SHANK2: variants seen among roughly 807,000 people sequenced by gnomAD.
SHANK2 encodes the protein SH3 and multiple ankyrin repeat domains protein 2.
SHANK2 carries 43 observed loss-of-function variants against 133.7 expected under a neutral mutation model. That is an observed-to-expected ratio of 0.32 (90% CI 0.25 to 0.41). The LOEUF (loss-of-function observed/expected upper bound fraction) is 0.41, where lower values mean the gene tolerates loss of function less well. Among genes scored for constraint, SHANK2 ranks in the 10% least tolerant of loss-of-function variants. SHANK2 has a pLI of 1.00. For missense variants in SHANK2, 1,994 were observed against 2,235.8 expected (o/e 0.89, Z 2.18); for synonymous variants, 1,017 against 952.8 (o/e 1.07, Z -1.24).
intron 10 of SHANK2, chr11:70,942,857 C>G (rs1414579903): frequency 8.8e-6 from 4 of 456,660 alleles, no homozygotes; most frequent in Admixed American, 2.3e-5. Context: ...TAAGACCAGA[C>G]AGGCCCTTTG....
chr11:70,812,991 C>G (rs1555053498), intron 12 of SHANK2, among the ~76,000 whole-genome samples: 2 of 152,132 alleles, frequency 1.3e-5, no homozygotes, highest in African/African-American at 4.8e-5. Flanking sequence ...ACATACTGAC[C>G]TTTCTCCATT....
At chr11:70,600,418 CAAAA>C (rs56103044) in intron 17 of SHANK2, among the ~76,000 whole-genome samples, 2,403 of 95,512 alleles carry the variant, frequency 0.025, 27 homozygotes, top group African/African-American at 0.085. Context: ...GACTCTGTCT[CAAAA>C]AAAAAAAAAA....
chr11:70,664,454 T>C (rs1944641625), intron 15 of SHANK2, among the ~76,000 whole-genome samples: 1 of 152,190 alleles, frequency 6.6e-6, no homozygotes, highest in African/African-American at 2.4e-5. Context: ...GAGGAGCTGC[T>C]GAGGGTGACC....
At chr11:70,769,349 G>T (rs1369186509) in intron 14 of SHANK2, among the ~76,000 whole-genome samples, 1 of 152,156 alleles carries the variant, frequency 6.6e-6, no homozygotes, top group Non-Finnish European at 1.5e-5. Flanking sequence ...TAAATGATGC[G>T]GTCACCCTGG....
At chr11:70,618,550 T>C (rs1554996777) in intron 17 of SHANK2, among the ~76,000 whole-genome samples, 2 of 152,004 alleles carry the variant, frequency 1.3e-5, no homozygotes, top group Non-Finnish European at 1.5e-5. Context: ...CACCTGCAGG[T>C]GATGTGCATG....
At chr11:70,475,816 C>T (rs539537906) in intron 25 of SHANK2, among the ~76,000 whole-genome samples, 4 of 152,220 alleles carry the variant, frequency 2.6e-5, no homozygotes, top group Admixed American at 6.5e-5. Context: ...AACCTGCCCC[C>T]ACCCTCAATG....
chr11:71,251,864 G>A (rs999990366), intron 1 of SHANK2, among the ~76,000 whole-genome samples: 6 of 151,704 alleles, frequency 4.0e-5, no homozygotes, highest in African/African-American at 1.4e-4. Flanking sequence ...CTGCGTGCAG[G>A]GCCAGGGTGA....
intron 14 of SHANK2, among the ~76,000 whole-genome samples, chr11:70,779,492 A>G (rs1442677948): frequency 6.6e-6 from 1 of 152,132 alleles, no homozygotes; most frequent in Non-Finnish European, 1.5e-5. Flanking sequence ...AAGACATTCT[A>G]TTTTGGAAGA....
At chr11:70,689,471 G>A (rs1244334727) in intron 15 of SHANK2, among the ~76,000 whole-genome samples, 2 of 152,200 alleles carry the variant, frequency 1.3e-5, no homozygotes, top group East Asian at 1.9e-4. Context: ...CAAAGGAAGC[G>A]CACACTCACA....
chr11:70,857,203 G>A (rs1479547354), intron 11 of SHANK2, among the ~76,000 whole-genome samples: 3 of 152,342 alleles, frequency 2.0e-5, no homozygotes, highest in African/African-American at 2.4e-5. Context: ...CGGGCCACAG[G>A]ATGACTGACA....
chr11:70,869,609 T>C (rs1388941166), intron 11 of SHANK2, among the ~76,000 whole-genome samples: 1 of 152,156 alleles, frequency 6.6e-6, no homozygotes, highest in Non-Finnish European at 1.5e-5. Flanking sequence ...CTCCTGACCG[T>C]CCACAGCACT....
chr11:70,934,367 C>T (rs565186376), intron 10 of SHANK2, among the ~76,000 whole-genome samples: 10 of 152,276 alleles, frequency 6.6e-5, no homozygotes, highest in African/African-American at 2.4e-4. Context: ...TGCAGCCGGC[C>T]GGCCTCCCTC....
At chr11:70,883,631 G>A (rs1239995823) in intron 11 of SHANK2, among the ~76,000 whole-genome samples, 8 of 152,176 alleles carry the variant, frequency 5.3e-5, no homozygotes, top group African/African-American at 1.2e-4. Flanking sequence ...GGTGTGCTGC[G>A]GTGTGGAGCA....
chr11:70,953,188 C>T (rs1378916458), intron 10 of SHANK2, among the ~76,000 whole-genome samples: 1 of 152,056 alleles, frequency 6.6e-6, no homozygotes, highest in Non-Finnish European at 1.5e-5. Flanking sequence ...CTGGGCCTAG[C>T]AGGAGGTGTC....
chr11:70,794,896 G>A (rs549858260), intron 14 of SHANK2, among the ~76,000 whole-genome samples: 12 of 152,140 alleles, frequency 7.9e-5, no homozygotes, highest in Admixed American at 6.5e-4. Context: ...AGTTGGAGAC[G>A]TGGGTATATA....
Position 71,075,614 on chromosome 11 carries a change from T to C in SHANK2, c.913-339A>G, listed in dbSNP as rs924704342. On this transcript the variant is annotated intron_variant, in intron 8 of 25. Transcript: ENST00000601538. The stretch of plus-strand genomic sequence containing the variant: ...AGAGGTGCAGGATGTCTTTCTCCCA[T>C]CCTCAGTGCCCAGCTCCACAAGATG... 1.8e-4 allele frequency among the ~76,000 whole-genome samples: 28 copies of C among 152,144 alleles called. No homozygotes were observed. In the East Asian group the frequency reaches 5.2e-3, roughly 28 times the overall value.
chr11:70,503,478 T>TA (rs1344910393), intron 17 of SHANK2, among the ~76,000 whole-genome samples: 1 of 152,148 alleles, frequency 6.6e-6, no homozygotes, highest in Non-Finnish European at 1.5e-5. Flanking sequence ...TCCAGAGGCC[T>TA]GGGAAGGCAG....
At chr11:71,125,252 T>C (rs1427794935) in intron 3 of SHANK2, among the ~76,000 whole-genome samples, 1 of 152,126 alleles carries the variant, frequency 6.6e-6, no homozygotes, top group Non-Finnish European at 1.5e-5. Context: ...CTAGGAGTGA[T>C]TAAGCTTAGC....
At chr11:70,862,580 G>A (rs949832795) in intron 11 of SHANK2, among the ~76,000 whole-genome samples, 14 of 151,274 alleles carry the variant, frequency 9.3e-5, no homozygotes, top group African/African-American at 3.4e-4. Flanking sequence ...TGGACTGGAC[G>A]GGCTGATGGA....
Sources: allele counts gnomAD v4.1 joint callset (sites outside exome capture counted in the v4.1 genomes callset), GRCh38; gene constraint gnomAD v4.1.1; transcripts MANE v1.5; gene names NCBI Gene and HGNC (gene_info 2026-07-23, HGNC 2026-07-21).